CCDC12: variants seen among roughly 807,000 people sequenced by gnomAD.
The protein encoded by CCDC12 is coiled-coil domain-containing protein 12.
In CCDC12, 28 loss-of-function variants were observed where a neutral mutation model predicts 25.7. The observed-to-expected ratio is 1.09, with a 90% CI of 0.81 to 1.50. The LOEUF is 1.50. Among genes scored for constraint, CCDC12 ranks in the 40% most tolerant of loss-of-function variants. The probability of loss-of-function intolerance (pLI) is 0.00; values close to 1 mark genes in which losing one functional copy is unlikely to be tolerated. For missense variants in CCDC12, 198 were observed against 210.0 expected, an observed-to-expected ratio of 0.94 and a Z score of 0.35; for synonymous variants, 75 against 87.7, an observed-to-expected ratio of 0.86 and a Z score of 0.81.
chr3:46,963,831 C>T (rs2107185015), intron 1 of CCDC12, among the ~76,000 whole-genome samples: 1 of 152,394 alleles, frequency 6.6e-6, no homozygotes, highest in East Asian at 1.9e-4. Flanking sequence ...AGCCGCCTGC[C>T]TTGGCCTCCC....
chr3:46,967,439 C>A (rs750408661), intron 1 of CCDC12, among the ~76,000 whole-genome samples: 1 of 152,154 alleles, frequency 6.6e-6, no homozygotes, highest in Non-Finnish European at 1.5e-5. Flanking sequence ...CCACTGTTCA[C>A]TCTACTCCTA....
chr3:46,930,139 A>T (rs1232047839), intron 2 of CCDC12, among the ~76,000 whole-genome samples: 1 of 151,720 alleles, frequency 6.6e-6, no homozygotes, highest in Non-Finnish European at 1.5e-5. Flanking sequence ...CCTCCTGAAT[A>T]GCTGGGACTA....
chr3:46,936,753 A>G (rs2033457829), intron 2 of CCDC12, among the ~76,000 whole-genome samples: 1 of 152,210 alleles, frequency 6.6e-6, no homozygotes, highest in South Asian at 2.1e-4. Context: ...ATGATGAACT[A>G]GCTACATCAA....
At chr3:46,963,395 C>CTCTCCCTCTCCCTCTCCTCACGG (rs1406859813) in intron 1 of CCDC12, among the ~76,000 whole-genome samples, 2 of 2,326 alleles carry the variant, frequency 8.6e-4, no homozygotes, top group African/African-American at 1.1e-3. Context: ...AGCCCTCTCC[C>CTCTCCCTCTCCCTCTCCTCACGG]TCTCCCTCTC....
intron 1 of CCDC12, among the ~76,000 whole-genome samples, chr3:46,951,826 T>TATATAA (rs1460071732): frequency 1.4e-4 from 5 of 35,734 alleles, no homozygotes; most frequent in Non-Finnish European, 2.9e-4. Context: ...TATATATACT[T>TATATAA]AATGAGGATC....
chr3:46,973,613 CTTT>C (rs758663577), intron 1 of CCDC12, among the ~76,000 whole-genome samples: 148 of 97,926 alleles, frequency 1.5e-3, no homozygotes, highest in South Asian at 0.012. Context: ...TTCTTCTTTT[CTTT>C]TTTTTTTTTT....
chr3:46,922,469 C>CTGT, intron 5 of CCDC12, 157 bp from the exon 6 acceptor site: 1 of 707,068 alleles, frequency 1.4e-6, no homozygotes, highest in Non-Finnish European at 2.4e-6. Flanking sequence ...CCTTCTGTAC[C>CTGT]CTCCGAAACC....
intron 1 of CCDC12, among the ~76,000 whole-genome samples, chr3:46,967,821 A>C (rs1235103677): frequency 1.3e-5 from 2 of 152,228 alleles, no homozygotes; most frequent in Non-Finnish European, 2.9e-5. Context: ...GGGAAAAAAA[A>C]GTATCCTTCT....
At chr3:46,973,956 C>G (rs768637125) in intron 1 of CCDC12, among the ~76,000 whole-genome samples, 1 of 152,126 alleles carries the variant, frequency 6.6e-6, no homozygotes, top group Admixed American at 6.5e-5. Context: ...ACAGGCAAAA[C>G]GTAGAAGCAA....
At chr3:46,976,571 C>T (rs1443685341) in intron 1 of CCDC12, 66 bp downstream of exon 1, 3 of 1,558,580 alleles carry the variant, frequency 1.9e-6, no homozygotes, top group Admixed American at 1.9e-5. Flanking sequence ...CTTTGCTCTC[C>T]TCAAGCGCGA....
chr3:46,936,054 C>G (rs892447284), intron 2 of CCDC12, among the ~76,000 whole-genome samples: 1 of 152,202 alleles, frequency 6.6e-6, no homozygotes, highest in Non-Finnish European at 1.5e-5. Context: ...AGTGGCTCTT[C>G]AAGATGGCTG....
At chr3:46,922,447 C>A in intron 5 of CCDC12, 135 bp from the exon 6 acceptor site, 1 of 859,006 alleles carries the variant, frequency 1.2e-6, no homozygotes. Context: ...GGGGAAGAGG[C>A]CAGGACATTC....
At chr3:46,943,119 G>C (rs886791912) in intron 1 of CCDC12, among the ~76,000 whole-genome samples, 3 of 152,152 alleles carry the variant, frequency 2.0e-5, no homozygotes, top group Non-Finnish European at 4.4e-5. Context: ...CCCTGGGGTG[G>C]ACAGGCAGAT....
At chr3:46,975,801 G>A (rs2034959179) in intron 1 of CCDC12, among the ~76,000 whole-genome samples, 1 of 148,652 alleles carries the variant, frequency 6.7e-6, no homozygotes, top group Non-Finnish European at 1.5e-5. Context: ...AAAGTACTGG[G>A]CGCGTGAGCC....
At chr3:46,953,183 G>A (rs1224775501) in intron 1 of CCDC12, among the ~76,000 whole-genome samples, 1 of 152,280 alleles carries the variant, frequency 6.6e-6, no homozygotes, top group Non-Finnish European at 1.5e-5. Context: ...GAGGTGTTTA[G>A]AGCTGTGTTT....
At chr3:46,931,428 G>C (rs886761608) in intron 2 of CCDC12, among the ~76,000 whole-genome samples, 1 of 152,192 alleles carries the variant, frequency 6.6e-6, no homozygotes, top group African/African-American at 2.4e-5. Context: ...TTGAGATTAT[G>C]AATCTGATCC....
At chr3:46,960,022 G>C (rs923232310) in intron 1 of CCDC12, among the ~76,000 whole-genome samples, 1 of 152,050 alleles carries the variant, frequency 6.6e-6, no homozygotes, top group African/African-American at 2.4e-5. Flanking sequence ...TCTCCTCCAC[G>C]CGACATGCAT....
intron 2 of CCDC12, among the ~76,000 whole-genome samples, chr3:46,930,414 G>T (rs2033159000): frequency 6.6e-6 from 1 of 152,228 alleles, no homozygotes; most frequent in Non-Finnish European, 1.5e-5. Context: ...CCAAAGGGAA[G>T]CAGAGACCAA....
intron 1 of CCDC12, among the ~76,000 whole-genome samples, chr3:46,964,369 G>A (rs2034573848): frequency 6.6e-6 from 1 of 151,580 alleles, no homozygotes; most frequent in Admixed American, 6.6e-5. Flanking sequence ...CCCCGTCTGG[G>A]AGGTGGGGGG....
Sources: gnomAD v4.1 joint callset for allele counts (sites outside exome capture counted in the v4.1 genomes callset) on GRCh38, gnomAD v4.1.1 for gene constraint, MANE v1.5 for transcripts, NCBI Gene and HGNC (gene_info 2026-07-23, HGNC 2026-07-21) for gene names.